GDA: variants seen among roughly 807,000 people sequenced by gnomAD.
GDA encodes guanine deaminase, also known as cytoplasmic PSD-95 interactor.
Under a neutral mutation model 59.6 loss-of-function variants are expected in GDA, and 18 were observed. The ratio of observed to expected loss-of-function variants is 0.30; its 90% CI spans 0.21 to 0.45. GDA has a LOEUF of 0.45. Among genes scored for constraint, GDA ranks in the 20% least tolerant of loss-of-function variants. The pLI, the probability that GDA is intolerant of heterozygous loss-of-function variation, is 1.00. For missense variants in GDA, 427 were observed against 552.3 expected, an observed-to-expected ratio of 0.77 and a Z score of 2.27; for synonymous variants, 201 against 201.1, an observed-to-expected ratio of 1.00 and a Z score of 0.00.
chr9:72,176,085 GGT>G (rs1335494033), intron 1 of GDA, among the ~76,000 whole-genome samples: 3 of 152,186 alleles, frequency 2.0e-5, no homozygotes, highest in Non-Finnish European at 4.4e-5. Flanking sequence ...GGAGGTAAGA[GGT>G]CCCAGGCAAG....
chr9:72,192,223 CTTTTTTTTTTTTTT>C (rs869237933), intron 1 of GDA, among the ~76,000 whole-genome samples: 1 of 46,234 alleles, frequency 2.2e-5, no homozygotes, highest in African/African-American at 8.8e-5. Context: ...TTCAAATAGC[CTTTTTTTTTTTTTT>C]TTTTTTTTTT....
intron 2 of GDA, among the ~76,000 whole-genome samples, chr9:72,196,813 A>C (rs888565753): frequency 4.1e-5 from 6 of 147,110 alleles, no homozygotes; most frequent in African/African-American, 1.5e-4. Context: ...TTATTGTTCA[A>C]CTCCCACTTA....
intron 1 of GDA, among the ~76,000 whole-genome samples, chr9:72,187,435 T>C (rs1295829322): frequency 6.6e-6 from 1 of 152,220 alleles, no homozygotes; most frequent in East Asian, 1.9e-4. Flanking sequence ...TGCTGTATGA[T>C]GACTCTGGCT....
At chr9:72,129,422 G>A (rs1367131819) in intron 1 of GDA, among the ~76,000 whole-genome samples, 2 of 152,132 alleles carry the variant, frequency 1.3e-5, no homozygotes, top group African/African-American at 2.4e-5. Flanking sequence ...GAGTTTGCTC[G>A]CCTCACTCCA....
Position 72,202,616 on chromosome 9 carries a change from T to C in GDA, c.258T>C (p.Ser86=). Residue 86 remains serine (S), a synonymous_variant, in exon 3 of 14, where the codon TCT becomes TCC. Coordinates refer to ENST00000358399, the MANE Select transcript of GDA (RefSeq NM_004293.5). ...TGGTTGATACACACATCCATGCCTC[T>C]CAGTATTCCTTTGCTGGAAGTAGCA... ...PGLVDTHIHA[S]QYSFAGSSID... is the part of the protein sequence containing the mutation. The C allele has an allele frequency of 6.2e-7, 1 of 1,612,232 alleles. No homozygotes were observed.
At chr9:72,147,350 G>T (rs902329403), upstream of GDA, among the ~76,000 whole-genome samples, 1 of 152,184 alleles carries the variant, frequency 6.6e-6, no homozygotes, top group Non-Finnish European at 1.5e-5. Flanking sequence ...TGGGACTACA[G>T]GCACGCATCA....
chr9:72,230,576 C>A (rs1033354957), intron 9 of GDA, among the ~76,000 whole-genome samples: 7 of 151,752 alleles, frequency 4.6e-5, no homozygotes. Flanking sequence ...AGCCCAGGAA[C>A]CATCTATCCT....
chr9:72,184,056 T>G (rs940445284), intron 1 of GDA, among the ~76,000 whole-genome samples: 1 of 152,190 alleles, frequency 6.6e-6, no homozygotes, highest in South Asian at 2.1e-4. Flanking sequence ...AAAAATTTAA[T>G]TTTTAGAGAA....
downstream of GDA, among the ~76,000 whole-genome samples, chr9:72,255,670 CCCT>C (rs1160705925): frequency 1.3e-5 from 2 of 152,204 alleles, no homozygotes; most frequent in Non-Finnish European, 2.9e-5. Flanking sequence ...CCACAACAAA[CCCT>C]CCAGCATCAT....
At chr9:72,162,161 C>T (rs1468657060) in intron 1 of GDA, among the ~76,000 whole-genome samples, 3 of 152,096 alleles carry the variant, frequency 2.0e-5, no homozygotes, top group Non-Finnish European at 4.4e-5. Context: ...AGCGTGGACT[C>T]AATGGTCTGT....
chr9:72,231,224 A>C, intron 10 of GDA, 43 bp downstream of exon 10: 3 of 1,006,406 alleles, frequency 3.0e-6, no homozygotes, highest in Non-Finnish European at 4.8e-6. Context: ...GTGGTTGATT[A>C]CTGTGTAATT....
chr9:72,211,737 G>T, intron 4 of GDA, among the ~76,000 whole-genome samples: 1 of 152,222 alleles, frequency 6.6e-6, no homozygotes, highest in East Asian at 1.9e-4. Flanking sequence ...AAGGACACAG[G>T]TATGGGAACA....
intron 2 of GDA, among the ~76,000 whole-genome samples, chr9:72,201,442 A>G (rs1204939771): frequency 2.6e-5 from 4 of 152,194 alleles, no homozygotes; most frequent in Admixed American, 2.6e-4. Flanking sequence ...TGCGATGTAG[A>G]GGCTTTCTTG....
intron 1 of GDA, among the ~76,000 whole-genome samples, chr9:72,136,133 T>C (rs1252473691): frequency 6.6e-6 from 1 of 152,144 alleles, no homozygotes; most frequent in Non-Finnish European, 1.5e-5. Context: ...CCAGCAACTC[T>C]TACTATAAAT....
Position 72,188,093 on chromosome 9 carries a change from A to G in GDA, c.124-7407A>G, listed in dbSNP as rs191516960. 2.9e-3 allele frequency among the ~76,000 whole-genome samples: 442 copies of G among 152,348 alleles called. 3 individuals carry two copies. Among genetic ancestry groups the G allele is most frequent in the African/African-American group, 9.9e-3 (410 of 41,584 alleles). On this transcript the variant is annotated intron_variant, in intron 1 of 13. Transcript: ENST00000358399. ...AAGGAATGATTTAAAGATGGAATTT[A>G]TAATGAAAAAGGAAGCTATGTGAAA...
chr9:72,136,892 G>A (rs1416762936), intron 1 of GDA, among the ~76,000 whole-genome samples: 7 of 152,062 alleles, frequency 4.6e-5, no homozygotes, highest in East Asian at 1.9e-4. Flanking sequence ...GGAGAATGGC[G>A]TGAACCCAGG....
At chr9:72,151,661 G>A (rs1827220075) in intron 1 of GDA, among the ~76,000 whole-genome samples, 1 of 151,248 alleles carries the variant, frequency 6.6e-6, no homozygotes, top group African/African-American at 2.4e-5. Flanking sequence ...AGGCTGGAGT[G>A]TAGTGGCTTG....
intron 1 of GDA, among the ~76,000 whole-genome samples, chr9:72,127,639 A>G (rs1393856512): frequency 6.7e-6 from 1 of 148,470 alleles, no homozygotes; most frequent in African/African-American, 2.4e-5. Context: ...TCTGTCTCAA[A>G]AAAAAAAAAA....
intron 1 of GDA, among the ~76,000 whole-genome samples, chr9:72,158,713 C>T (rs1171810902): frequency 6.6e-6 from 1 of 151,952 alleles, no homozygotes; most frequent in African/African-American, 2.4e-5. Flanking sequence ...TTTGATTATA[C>T]TTAGCTTTAT....
Sources: allele counts gnomAD v4.1 joint callset (sites outside exome capture counted in the v4.1 genomes callset), GRCh38; gene constraint gnomAD v4.1.1; transcripts MANE v1.5; gene names NCBI Gene and HGNC (gene_info 2026-07-23, HGNC 2026-07-21).